The following XKR6 variants were observed in gnomAD, a reference collection of about 807,000 sequenced individuals.
XKR6 encodes XK related 6.
In XKR6, 22 loss-of-function variants were observed where a neutral mutation model predicts 56.7. That is an observed-to-expected ratio of 0.39 (90% CI 0.28 to 0.55). The LOEUF (loss-of-function observed/expected upper bound fraction) is 0.55, where lower values mean the gene tolerates loss of function less well. Ranked by LOEUF, XKR6 falls within the 20% of genes least tolerant of loss-of-function variation. XKR6 has a pLI of 0.66. For missense variants in XKR6, 852 were observed against 889.0 expected (o/e 0.96, Z 0.53); for synonymous variants, 524 against 387.8 (o/e 1.35, Z -4.13).
chr8:10,940,403 C>T (rs1057043302), intron 1 of XKR6, among the ~76,000 whole-genome samples: 4 of 152,208 alleles, frequency 2.6e-5, no homozygotes, highest in African/African-American at 7.2e-5. Context: ...AGCATTCCCT[C>T]CAGAGCCCAT....
intron 1 of XKR6, among the ~76,000 whole-genome samples, chr8:11,089,868 T>C (rs1798008595): frequency 6.6e-6 from 1 of 152,226 alleles, no homozygotes; most frequent in Admixed American, 6.5e-5. Context: ...CATATTCTAC[T>C]ATTCTTACTA....
chr8:11,077,389 C>T lies in XKR6; in HGVS notation c.764+123187G>A, dbSNP rs914535345. ...GCAGGGTCACATGGGGTGCCTGCAG[C>T]CCTGGGGCGCTCTGTGAGGTCATCT... On this transcript the variant is annotated intron_variant, in intron 1 of 2. Coordinates refer to ENST00000416569, the MANE Select transcript of XKR6 (RefSeq NM_173683.4). Among the ~76,000 whole-genome samples the T allele has an allele frequency of 3.9e-5, 6 of 152,122 alleles. No individual in the cohort carries two copies. The South Asian group carries it at 1.2e-3, about 32-fold the overall frequency.
At chr8:11,137,509 AG>A (rs1233439727) in intron 1 of XKR6, 8 of 455,594 alleles carry the variant, frequency 1.8e-5, no homozygotes, top group African/African-American at 8.0e-5. Flanking sequence ...ACACTAACCT[AG>A]GAGACGGCCA....
At chr8:11,136,346 T>C (rs1213857708) in intron 1 of XKR6, among the ~76,000 whole-genome samples, 2 of 152,192 alleles carry the variant, frequency 1.3e-5, no homozygotes, top group African/African-American at 4.8e-5. Context: ...ACCCTGTCTC[T>C]ACTAAAAATT....
intron 1 of XKR6, among the ~76,000 whole-genome samples, chr8:11,127,076 A>G (rs1334284260): frequency 6.6e-6 from 1 of 152,224 alleles, no homozygotes; most frequent in Non-Finnish European, 1.5e-5. Flanking sequence ...CTAGGACAGT[A>G]GAGTACTAAG....
chr8:10,937,957 T>C, intron 1 of XKR6, among the ~76,000 whole-genome samples: 1 of 151,262 alleles, frequency 6.6e-6, no homozygotes, highest in Non-Finnish European at 1.5e-5. Context: ...CTGCTTTGTT[T>C]ACCTAAGCAA....
intron 1 of XKR6, among the ~76,000 whole-genome samples, chr8:11,178,576 A>ATATATATATATATATATATG (rs1266024257): frequency 2.3e-4 from 31 of 135,938 alleles, no homozygotes; most frequent in East Asian, 2.1e-3. Context: ...ATATATATGT[A>ATATATATATATATATATATG]TATATATATG....
In XKR6 at chr8:11,118,766, G is replaced by T. The variant is rs1799299858; in HGVS notation, c.764+81810C>A. ...GATCTTTTCAAAAAACCAGCTCCTG[G>T]ATTCACTGATTTTTTGAAGGGTTTT... is the stretch of plus-strand genomic sequence containing the variant. On this transcript the variant is annotated intron_variant, in intron 1 of 2. Coordinates refer to ENST00000416569, the MANE Select transcript of XKR6 (RefSeq NM_173683.4). Among the ~76,000 whole-genome samples, 4 of 152,124 alleles carry T rather than the reference G, an allele frequency of 2.6e-5. No individual in the cohort carries two copies. In the South Asian group the frequency reaches 8.3e-4, roughly 31 times the overall value.
intron 1 of XKR6, among the ~76,000 whole-genome samples, chr8:11,141,716 C>G (rs1432610262): frequency 3.9e-5 from 6 of 152,140 alleles, no homozygotes; most frequent in Admixed American, 3.9e-4. Flanking sequence ...ACAGCAGCTC[C>G]TGATGGGAGC....
Position 10,954,866 on chromosome 8 carries a change from C to CTCTTTTTTTTTTT in XKR6, c.765-30037_765-30036insAAAAAAAAAAAGA, listed in dbSNP as rs1563309729. ...TAAGGTAAGGGTCTAACTTCATTCT[C>CTCTTTTTTTTTTT]TTTTTTTTTTTTTTTTTTTTAGACA... On this transcript the variant is annotated intron_variant, in intron 1 of 2. Transcript: ENST00000416569. Among the ~76,000 whole-genome samples the CTCTTTTTTTTTTT allele has an allele frequency of 2.4e-4, 22 of 92,792 alleles. 1 individual carries two copies. The highest frequency in any genetic ancestry group is 6.5e-4 in the Admixed American group (6 of 9,182). 60.9% of individuals were successfully genotyped at this position (92,792 alleles called of 152,430 possible).
intron 1 of XKR6, among the ~76,000 whole-genome samples, chr8:11,015,524 A>C (rs1342713516): frequency 6.6e-6 from 1 of 152,084 alleles, no homozygotes. Flanking sequence ...TTAGGGGAAG[A>C]GGGAGGAGAG....
chr8:11,101,794 G>C (rs1239208833), intron 1 of XKR6, among the ~76,000 whole-genome samples: 1 of 152,072 alleles, frequency 6.6e-6, no homozygotes, highest in South Asian at 2.1e-4. Context: ...ATGCTGTTTA[G>C]TTTGTGGGTT....
chr8:11,169,981 A>G (rs985188147), intron 1 of XKR6, among the ~76,000 whole-genome samples: 4 of 114,868 alleles, frequency 3.5e-5, no homozygotes, highest in Middle Eastern at 4.8e-3. Context: ...ATAGACATAC[A>G]TAACAAAATT....
In XKR6 at chr8:11,201,415, A is replaced by AG. The variant is rs1182430293; in HGVS notation, c.-77dup. The AG allele has an allele frequency of 6.4e-5, 9 of 141,060 alleles. No individual in the cohort carries two copies. The highest frequency in any genetic ancestry group is 8.9e-4 in the East Asian group (2 of 2,240). The allele number at this position is 141,060 out of a possible 1,614,324, so 8.7% of individuals were successfully genotyped here. Reference sequence around the variant, plus strand: ...GGGGGGAAGAAGGCAGGGAACGGGGAGGGGGGGAAACGAATGGAGAGGAAG... The same window carrying AG: ...GGGGGGAAGAAGGCAGGGAACGGGGAGGGGGGGGAAACGAATGGAGAGGAAG... On this transcript the variant is annotated 5_prime_UTR_variant, in exon 1 of 3. Coordinates refer to ENST00000416569, the MANE Select transcript of XKR6 (RefSeq NM_173683.4).
At chr8:11,147,522 G>A (rs1308756673) in intron 1 of XKR6, among the ~76,000 whole-genome samples, 1 of 151,988 alleles carries the variant, frequency 6.6e-6, no homozygotes, top group Non-Finnish European at 1.5e-5. Flanking sequence ...TGGGTGTGGT[G>A]GCACGTGCCT....
intron 1 of XKR6, among the ~76,000 whole-genome samples, chr8:10,974,834 T>C (rs766616746): frequency 3.9e-5 from 6 of 152,168 alleles, no homozygotes; most frequent in Non-Finnish European, 5.9e-5. Context: ...GCAGTTGGTG[T>C]TCAGCAGGTG....
intron 1 of XKR6, among the ~76,000 whole-genome samples, chr8:11,009,784 G>A (rs1798458947): frequency 6.6e-6 from 1 of 152,146 alleles, no homozygotes; most frequent in Non-Finnish European, 1.5e-5. Context: ...ATAAAGCATG[G>A]ACTTTAATTA....
intron 1 of XKR6, among the ~76,000 whole-genome samples, chr8:11,093,520 C>T (rs1317579131): frequency 1.3e-5 from 2 of 152,208 alleles, no homozygotes; most frequent in Admixed American, 6.5e-5. Flanking sequence ...GCACTTAGTG[C>T]CCGGCCACAT....
At chr8:11,026,146 C>T (rs1798855812) in intron 1 of XKR6, among the ~76,000 whole-genome samples, 1 of 151,612 alleles carries the variant, frequency 6.6e-6, no homozygotes, top group Non-Finnish European at 1.5e-5. Flanking sequence ...GTGTCGCCTA[C>T]TACACACCTA....
Sources: allele counts gnomAD v4.1 joint callset (sites outside exome capture counted in the v4.1 genomes callset), GRCh38; gene constraint gnomAD v4.1.1; transcripts MANE v1.5; gene names NCBI Gene and HGNC (gene_info 2026-07-23, HGNC 2026-07-21).